SDK1: variants seen among roughly 807,000 people sequenced by gnomAD.
SDK1 encodes the protein sidekick cell adhesion molecule 1.
SDK1 carries 157 observed loss-of-function variants against 245.5 expected under a neutral mutation model. The ratio of observed to expected loss-of-function variants is 0.64; its 90% CI spans 0.56 to 0.73. SDK1 has a LOEUF of 0.73. SDK1 is among the 30% of genes least tolerant of loss of function. The pLI, the probability that SDK1 is intolerant of heterozygous loss-of-function variation, is 0.00. For synonymous variants in SDK1, 1,647 were observed against 1,278.5 expected (o/e 1.29, Z -6.15); for missense variants, 3,583 against 3,002.3 (o/e 1.19, Z -4.52).
intron 20 of SDK1, among the ~76,000 whole-genome samples, 160 bp from the exon 21 acceptor site, chr7:4,076,838 G>C (rs1780713270): frequency 6.6e-6 from 1 of 152,116 alleles, no homozygotes; most frequent in Admixed American, 6.5e-5. Flanking sequence ...AAGGAGCCTT[G>C]ACCTGTGTCT....
At chr7:3,385,507 T>TA (rs961793843) in intron 1 of SDK1, among the ~76,000 whole-genome samples, 5 of 152,180 alleles carry the variant, frequency 3.3e-5, no homozygotes, top group East Asian at 1.9e-4. Context: ...TTTTTTCTAA[T>TA]AAAAAAACTC....
chr7:4,165,869 C>G (rs1488977547), intron 32 of SDK1, among the ~76,000 whole-genome samples: 1 of 152,054 alleles, frequency 6.6e-6, no homozygotes, highest in Non-Finnish European at 1.5e-5. Context: ...TCATTGTAGC[C>G]TCCAACTCCT....
rs80273693 is a variant in SDK1 at position 3,860,802 on chromosome 7, A to G, written c.847+39219A>G. On this transcript the variant is annotated intron_variant, in intron 5 of 44. Coordinates refer to ENST00000404826, the MANE Select transcript of SDK1 (RefSeq NM_152744.4). ...CACCTGACACTGTAACCCACACCCT[A>G]TAGTTTAACAATATGCAGCCAATCA... Among the ~76,000 whole-genome samples, 31 of 152,260 alleles carry G rather than the reference A, an allele frequency of 2.0e-4. No homozygotes were observed. The East Asian group carries it at 2.9e-3, about 14-fold the overall frequency.
At chr7:3,753,614 G>T (rs1779836136) in intron 4 of SDK1, among the ~76,000 whole-genome samples, 1 of 152,172 alleles carries the variant, frequency 6.6e-6, no homozygotes, top group Non-Finnish European at 1.5e-5. Context: ...AGGGTGAACA[G>T]CCTACAACCA....
At chr7:3,421,315 G>A (rs918502499) in intron 1 of SDK1, among the ~76,000 whole-genome samples, 62 of 151,798 alleles carry the variant, frequency 4.1e-4, no homozygotes, top group African/African-American at 1.4e-3. Flanking sequence ...CCAGTGACCC[G>A]CCTGCCCTCC....
chr7:3,680,441 C>T (rs1478934200), intron 4 of SDK1, among the ~76,000 whole-genome samples: 9 of 152,048 alleles, frequency 5.9e-5, no homozygotes, highest in Admixed American at 2.0e-4. Context: ...CTGCATAAAA[C>T]TATATGATTG....
chr7:3,676,206 A>T (rs1783890211), intron 4 of SDK1, among the ~76,000 whole-genome samples: 1 of 151,774 alleles, frequency 6.6e-6, no homozygotes, highest in Admixed American at 6.6e-5. Context: ...TTTTGTGGAG[A>T]CGGGGTCTCA....
At chr7:3,954,693 T>C (rs1289691715) in intron 7 of SDK1, among the ~76,000 whole-genome samples, 1 of 146,720 alleles carries the variant, frequency 6.8e-6, no homozygotes, top group East Asian at 2.1e-4. Flanking sequence ...CACTGCACCA[T>C]TCATGGGCTT....
At chr7:3,978,184 C>G (rs990523649) in intron 13 of SDK1, among the ~76,000 whole-genome samples, 1 of 151,930 alleles carries the variant, frequency 6.6e-6, no homozygotes, top group African/African-American at 2.4e-5. Flanking sequence ...CCTTTGAGAA[C>G]CTTAGATCAT....
chr7:3,845,047 C>G (rs969031748), intron 5 of SDK1, among the ~76,000 whole-genome samples: 25 of 152,136 alleles, frequency 1.6e-4, no homozygotes, highest in Admixed American at 7.9e-4. Context: ...AGCAGAGAGG[C>G]AAAGTGGGTC....
intron 14 of SDK1, among the ~76,000 whole-genome samples, chr7:4,002,229 G>T (rs1052528676): frequency 2.9e-5 from 3 of 105,146 alleles, no homozygotes; most frequent in Non-Finnish European, 5.6e-5. Flanking sequence ...GGCTGTGCCC[G>T]TCTCTGAGTC....
Position 3,821,491 on chromosome 7 carries a change from C to T in SDK1, c.755C>T (p.Thr252Ile). The T allele has an allele frequency of 6.2e-7, 1 of 1,613,764 alleles. No homozygotes were observed. Among genetic ancestry groups the T allele is most frequent in the Non-Finnish European group, 8.5e-7 (1 of 1,179,868 alleles). Residue 252 changes from threonine to isoleucine, a missense_variant, in exon 5 of 45, where the codon ACA (threonine) becomes ATA (isoleucine). Coordinates refer to ENST00000404826, the MANE Select transcript of SDK1 (RefSeq NM_152744.4). Reference sequence around the variant, plus strand: ...AATCAGCTGGTGATCCTCGCCACCACAACCAGTGATGCCGGGGCATACTAC... The same window carrying T: ...AATCAGCTGGTGATCCTCGCCACCATAACCAGTGATGCCGGGGCATACTAC... Reference protein sequence around the residue: ...LENQLVILATTTSDAGAYYVQ... With the variant: ...LENQLVILATITSDAGAYYVQ...
chr7:3,715,700 A>G (rs921437396), intron 4 of SDK1, among the ~76,000 whole-genome samples: 1 of 152,228 alleles, frequency 6.6e-6, no homozygotes, highest in Non-Finnish European at 1.5e-5. Flanking sequence ...TTTAAATAGG[A>G]CAAGGAGTCT....
intron 4 of SDK1, among the ~76,000 whole-genome samples, chr7:3,731,297 A>T (rs777285059): frequency 2.6e-5 from 4 of 152,176 alleles, no homozygotes; most frequent in Non-Finnish European, 4.4e-5. Context: ...GAAAAAACAT[A>T]CAAGTGCTTC....
At chr7:4,031,630 T>A (rs1037329014) in intron 17 of SDK1, among the ~76,000 whole-genome samples, 1 of 152,132 alleles carries the variant, frequency 6.6e-6, no homozygotes, top group South Asian at 2.1e-4. Flanking sequence ...GAGAAATATA[T>A]GTAGATATAG....
intron 1 of SDK1, among the ~76,000 whole-genome samples, chr7:3,602,213 A>T (rs375733486): frequency 3.3e-5 from 5 of 151,766 alleles, no homozygotes; most frequent in African/African-American, 1.2e-4. Context: ...TGGCTGGGTC[A>T]AATGGTATTT....
chr7:4,018,110 C>G (rs919919320), intron 17 of SDK1, among the ~76,000 whole-genome samples: 1 of 152,234 alleles, frequency 6.6e-6, no homozygotes, highest in Non-Finnish European at 1.5e-5. Context: ...CTCATTTGTC[C>G]TACAGCAGCC....
chr7:3,324,362 T>C (rs535774597), intron 1 of SDK1, among the ~76,000 whole-genome samples: 1 of 152,310 alleles, frequency 6.6e-6, no homozygotes, highest in South Asian at 2.1e-4. Flanking sequence ...TATTTACTAG[T>C]ACCCTAGAAG....
At chr7:3,894,775 T>C (rs931891771) in intron 5 of SDK1, among the ~76,000 whole-genome samples, 2 of 150,748 alleles carry the variant, frequency 1.3e-5, no homozygotes, top group Non-Finnish European at 1.5e-5. Context: ...CTCGGTTCAC[T>C]GCAACCTCTG....
Sources: gnomAD v4.1 joint callset for allele counts (sites outside exome capture counted in the v4.1 genomes callset) on GRCh38, gnomAD v4.1.1 for gene constraint, MANE v1.5 for transcripts, NCBI Gene and HGNC (gene_info 2026-07-23, HGNC 2026-07-21) for gene names.